SEC23IP: variants seen among roughly 807,000 people sequenced by gnomAD.
The protein encoded by SEC23IP is SEC23 interacting protein.
A neutral mutation model predicts 113.4 loss-of-function variants in SEC23IP; 70 were observed. The ratio of observed to expected loss-of-function variants is 0.62; its 90% CI spans 0.51 to 0.75. The LOEUF (loss-of-function observed/expected upper bound fraction) is 0.75. SEC23IP is among the 30% of genes least tolerant of loss of function. The probability of loss-of-function intolerance (pLI) is 0.00; values close to 1 mark genes in which losing one functional copy is unlikely to be tolerated. For missense variants in SEC23IP, 1,160 were observed against 1,204.9 expected, an observed-to-expected ratio of 0.96 and a Z score of 0.55; for synonymous variants, 398 against 421.0, an observed-to-expected ratio of 0.95 and a Z score of 0.67.
chr10:119,906,844 A>G (rs1589827833), intron 4 of SEC23IP, among the ~76,000 whole-genome samples: 2 of 152,142 alleles, frequency 1.3e-5, no homozygotes, highest in African/African-American at 4.8e-5. Flanking sequence ...CCAGAGTGCT[A>G]GGATTACATG....
chr10:119,905,240 TATAA>T (rs1169714491), intron 4 of SEC23IP, among the ~76,000 whole-genome samples: 1 of 152,226 alleles, frequency 6.6e-6, no homozygotes, highest in African/African-American at 2.4e-5. Flanking sequence ...TAATTTTAGA[TATAA>T]ATAAACAAAT....
At chr10:119,925,438 G>C (rs1351004828) in intron 12 of SEC23IP, among the ~76,000 whole-genome samples, 1 of 151,960 alleles carries the variant, frequency 6.6e-6, no homozygotes, top group Non-Finnish European at 1.5e-5. Context: ...TACTTTCTTT[G>C]CTTCTTAATT....
chr10:119,919,394 A>G (rs1374899425), intron 10 of SEC23IP, 50 bp from the exon 11 acceptor site: 1 of 1,519,704 alleles, frequency 6.6e-7, no homozygotes, highest in Admixed American at 2.1e-5. Flanking sequence ...CAGTCATTAT[A>G]TGGGAGTTTT....
intron 1 of SEC23IP, 150 bp from the exon 2 acceptor site, chr10:119,898,277 A>G: frequency 1.2e-5 from 16 of 1,289,670 alleles, no homozygotes; most frequent in Non-Finnish European, 1.5e-5. Context: ...TTTCAAAGAA[A>G]AAAAGAAAAA....
chr10:119,911,900 C>G (rs1269911961), intron 5 of SEC23IP, 144 bp from the exon 6 acceptor site: 1 of 932,870 alleles, frequency 1.1e-6, no homozygotes, highest in Non-Finnish European at 1.6e-6. Context: ...AAGACTCCTT[C>G]AAAGTTTGTT....
rs776206552 is a variant in SEC23IP at position 119,932,289 on chromosome 10, A to G, written c.2729A>G (p.Lys910Arg). 3 of 1,598,948 alleles carry G rather than the reference A, an allele frequency of 1.9e-6. No individual in the cohort carries two copies. Among genetic ancestry groups the G allele is most frequent in the Admixed American group, 1.7e-5 (1 of 58,934 alleles). ...EELEKVANQIKEEEEKQVVEA... is the reference protein window; with the variant it reads ...EELEKVANQIREEEEKQVVEA... ...TTGGAGAAGGTGGCCAATCAGATCA[A>G]AGAAGAAGAAGAAAAGCAAGTAGTT... The change falls in exon 16 of 19, where the codon AAA (lysine) becomes AGA (arginine). Residue 910 changes from lysine (K) to arginine (R), a missense_variant. By Grantham distance (26) the Lys-to-Arg change is conservative. Transcript: ENST00000369075.
intron 3 of SEC23IP, among the ~76,000 whole-genome samples, chr10:119,903,628 C>G (rs1302093045): frequency 6.6e-6 from 1 of 152,186 alleles, no homozygotes; most frequent in Non-Finnish European, 1.5e-5. Context: ...TAATTTTGAG[C>G]AGCACAGATT....
chr10:119,894,892 C>CTGTGTGTGTGTGTGTG (rs3065498), intron 1 of SEC23IP, among the ~76,000 whole-genome samples: 36 of 143,598 alleles, frequency 2.5e-4, no homozygotes, highest in Non-Finnish European at 9.2e-5. Flanking sequence ...TGGAGACAGT[C>CTGTGTGTGTGTGTGTG]TGTGTGTGTG....
In SEC23IP at chr10:119,900,898, A is replaced by G. The variant is rs957848369; in HGVS notation, c.697-1901A>G. ...ATAACCACTGTTTTCATTTTGTTAT[A>G]TGTCTTTTTTTGGCAAACATATAAT... On this transcript the variant is annotated intron_variant, in intron 2 of 18. Transcript: ENST00000369075. Among the ~76,000 whole-genome samples the G allele has an allele frequency of 2.0e-5, 3 of 152,034 alleles. No homozygotes were observed. The South Asian group carries it at 6.2e-4, about 32-fold the overall frequency.
intron 1 of SEC23IP, among the ~76,000 whole-genome samples, chr10:119,897,660 C>T (rs181297796): frequency 1.3e-3 from 193 of 151,800 alleles, no homozygotes; most frequent in African/African-American, 4.2e-3. Flanking sequence ...TTTGGGTAGT[C>T]GAGTAACAGT....
chr10:119,939,216 G>C (rs1855887950), intron 18 of SEC23IP, among the ~76,000 whole-genome samples: 2 of 152,094 alleles, frequency 1.3e-5, no homozygotes, highest in African/African-American at 4.8e-5. Context: ...CAACTTGGGA[G>C]GCTGAGGTGG....
rs1210218025 is a variant in SEC23IP, at chr10:119,942,982, A to G, written c.*2417A>G. ...GCTATCTTGGCAGGGATGATCATGT[A>G]TTTGAAATAGTAACTCACAGCATTT... is the stretch of plus-strand genomic sequence containing the variant. On this transcript the variant is annotated 3_prime_UTR_variant, in exon 19 of 19. Coordinates refer to ENST00000369075, the MANE Select transcript of SEC23IP (RefSeq NM_007190.4). 2 of 152,210 alleles carry G rather than the reference A, an allele frequency of 1.3e-5. No homozygotes were observed. The highest frequency in any genetic ancestry group is 2.9e-5 in the Non-Finnish European group (2 of 68,044). 9.4% of individuals were successfully genotyped at this position (152,210 alleles called of 1,614,324 possible). A position where few individuals can be genotyped will look rare whatever the true frequency, so the allele number is the denominator to read the frequency against.
rs1223608744 is a variant in SEC23IP, at chr10:119,929,755, A to T, written c.2462A>T (p.Tyr821Phe). The change falls in exon 14 of 19, where the codon TAT (tyrosine) becomes TTT (phenylalanine). Residue 821 changes from tyrosine (Y) to phenylalanine (F), a missense_variant. Transcript: ENST00000369075. ...ACCTGTAAAGGGTTCTTCAATATTTATCATCCGGTGAGTAATTGAATTTAC... is the reference window on the plus strand; with the variant it reads ...ACCTGTAAAGGGTTCTTCAATATTTTTCATCCGGTGAGTAATTGAATTTAC... ...LPTCKGFFNI[Y>F]HPLDPVAYRL... 1 of 1,580,966 alleles carries T rather than the reference A, an allele frequency of 6.3e-7. No homozygotes were observed. The highest frequency in any genetic ancestry group is 8.6e-7 in the Non-Finnish European group (1 of 1,156,812).
In SEC23IP at chr10:119,933,096, C is replaced by T. The variant is rs144049236; in HGVS notation, c.2850C>T (p.Tyr950=). ...TAAATGGAGGCCGCCGAATTGACTA[C>T]GTTCTCCAAGAAAAACCAATAGAGA... ...GMLNGGRRID[Y]VLQEKPIESF... Residue 950 remains tyrosine (Y), a synonymous_variant, in exon 17 of 19, where the codon TAC becomes TAT. Transcript: ENST00000369075. The T allele has an allele frequency of 1.7e-4, 269 of 1,613,766 alleles. No homozygotes were observed. The highest frequency in any genetic ancestry group is 1.5e-3 in the South Asian group (140 of 91,074).
intron 18 of SEC23IP, among the ~76,000 whole-genome samples, chr10:119,938,154 C>T (rs1855857253): frequency 6.6e-6 from 1 of 150,884 alleles, no homozygotes; most frequent in Non-Finnish European, 1.5e-5. Flanking sequence ...AAATTTAAGT[C>T]AGCTGTTGCC....
chr10:119,924,189 T>G (rs1386023968), intron 12 of SEC23IP, among the ~76,000 whole-genome samples: 1 of 152,210 alleles, frequency 6.6e-6, no homozygotes, highest in Non-Finnish European at 1.5e-5. Context: ...ACCAGTTACT[T>G]ACTTTCCTGA....
At position 119,928,044 on chromosome 10, in the gene SEC23IP, G is replaced by T. The variant is rs931762476; in HGVS notation, c.2314-1563G>T. ...TTCACTTTGACAACGCTATTGTAAAGAATTAATTTTTTGTGTGTATTTTCA... is the reference window on the plus strand; with the variant it reads ...TTCACTTTGACAACGCTATTGTAAATAATTAATTTTTTGTGTGTATTTTCA... On this transcript the variant is annotated intron_variant, in intron 13 of 18. Transcript: ENST00000369075. Among the ~76,000 whole-genome samples the T allele has an allele frequency of 2.0e-5, 3 of 152,110 alleles. No individual in the cohort carries two copies. In the South Asian group the frequency reaches 6.2e-4, roughly 32 times the overall value.
At chr10:119,900,838 T>C (rs2475305) in intron 2 of SEC23IP, among the ~76,000 whole-genome samples, 81,915 of 151,834 alleles carry the variant, frequency 0.54, 22,504 homozygotes, top group East Asian at 0.63. Context: ...ATTTGAAAAA[T>C]GCAGAATACT....
At chr10:119,931,842 G>A (rs1427964460) in intron 15 of SEC23IP, among the ~76,000 whole-genome samples, 3 of 149,656 alleles carry the variant, frequency 2.0e-5, no homozygotes, top group South Asian at 2.4e-4. Context: ...GTGAGACACC[G>A]CGCCTGAATG....
Sources: gnomAD v4.1 joint callset for allele counts (sites outside exome capture counted in the v4.1 genomes callset) on GRCh38, gnomAD v4.1.1 for gene constraint, MANE v1.5 for transcripts, NCBI Gene and HGNC (gene_info 2026-07-23, HGNC 2026-07-21) for gene names.